The following MADD variants were observed in gnomAD, a reference collection of about 807,000 sequenced individuals.
MADD encodes the protein MAP kinase-activating death domain protein.
Under a neutral mutation model 176.7 loss-of-function variants are expected in MADD, and 109 were observed. That is an observed-to-expected ratio of 0.62 (90% CI 0.53 to 0.72). The LOEUF (loss-of-function observed/expected upper bound fraction) is 0.72. MADD is among the 30% of genes least tolerant of loss of function. The pLI is 0.00. For synonymous variants in MADD, 771 were observed against 771.3 expected (o/e 1.00, Z 0.01); for missense variants, 1,914 against 2,045.5 (o/e 0.94, Z 1.24).
rs766139888 is a variant in MADD at position 47,275,088 on chromosome 11, C to G, written c.588C>G (p.Leu196=). ...CCTTCCGAGAGTGTTTGTATACTCT[C>G]AAGCGCCTGGTGGACTGCTGTAGTG... Residue 196 remains leucine (L), a synonymous_variant, in exon 3 of 33, where the codon CTC becomes CTG. Coordinates refer to ENST00000402192, the Ensembl canonical transcript of MADD. 3 of 1,614,126 alleles carry G rather than the reference C, an allele frequency of 1.9e-6. No individual in the cohort carries two copies. In the African/African-American group the frequency reaches 4.0e-5, roughly 22 times the overall value.
chr11:47,325,017 G>GCGTT lies in MADD; in HGVS notation c.4542+441_4542+442insGTTC, dbSNP rs2095259527. ...GCAGCTTGCGTGTGCGTGCGTGCGT[G>GCGTT]CCTGCGTGCTTGTGTGTAAGTAGCT... On this transcript the variant is annotated intron_variant, in intron 30 of 32. Transcript: ENST00000402192. The surrounding 1 kb of genome is among the most constrained non-coding windows in gnomAD (Gnocchi z 4.5). The GCGTT allele has an allele frequency of 5.7e-6, 3 of 523,294 alleles. No individual in the cohort carries two copies. Among genetic ancestry groups the GCGTT allele is most frequent in the African/African-American group, 3.8e-5 (2 of 52,484 alleles). The allele number at this position is 523,294 out of a possible 1,614,324, so 32.4% of individuals were successfully genotyped here. A position where few individuals can be genotyped will look rare whatever the true frequency, so the allele number is the denominator to read the frequency against.
At position 47,296,764 on chromosome 11, in the gene MADD, G is replaced by GTTTT. The variant is rs753454831; in HGVS notation, c.3642+727_3642+730dup. Among the ~76,000 whole-genome samples the GTTTT allele has an allele frequency of 1.0e-3, 117 of 116,858 alleles. 3 individuals are homozygous for GTTTT. The highest frequency in any genetic ancestry group is 3.0e-3 in the South Asian group (11 of 3,644). The allele number at this position is 116,858 out of a possible 152,430, so 76.7% of individuals were successfully genotyped here. A position where few individuals can be genotyped will look rare whatever the true frequency, so the allele number is the denominator to read the frequency against. ...TTGCCGTAGACATCTGTTTTTTGTT[G>GTTTT]TTTTTTTTTTTTTTTTTTTTTACAC... is the stretch of plus-strand genomic sequence containing the variant. On this transcript the variant is annotated intron_variant, in intron 22 of 32. Transcript: ENST00000402192.
chr11:47,293,765 A>T (rs2067571917), intron 19 of MADD, 118 bp from the exon 22 acceptor site: 1 of 658,318 alleles, frequency 1.5e-6, no homozygotes, highest in East Asian at 2.7e-5. Flanking sequence ...TAGTCCTTGG[A>T]AAGGTGACTA....
At chr11:47,327,017 G>T in intron 31 of MADD, 1 of 1,326,470 alleles carries the variant, frequency 7.5e-7, no homozygotes, top group Non-Finnish European at 9.7e-7. Context: ...AGAGCAAATG[G>T]GGCCTCAGGT....
intron 22 of MADD, among the ~76,000 whole-genome samples, chr11:47,300,342 G>T (rs1171382633): frequency 6.6e-6 from 1 of 151,608 alleles, no homozygotes. Context: ...AAGTAGCTGG[G>T]ATTACAGGCG....
intron 25 of MADD, among the ~76,000 whole-genome samples, chr11:47,311,207 T>C (rs1187652753): frequency 6.6e-6 from 1 of 152,084 alleles, no homozygotes. Flanking sequence ...TGTGAAGGGA[T>C]CAGTTGATCA....
chr11:47,304,379 C>T (rs140364262), intron 22 of MADD, among the ~76,000 whole-genome samples: 149 of 152,012 alleles, frequency 9.8e-4, no homozygotes, highest in African/African-American at 3.2e-3. Context: ...TACAGGCATG[C>T]GCCACCACAC....
At chr11:47,329,900 C>T (rs943257161) in exon 33 of MADD, 1 of 152,664 alleles carries the variant, frequency 6.6e-6, no homozygotes, top group African/African-American at 2.4e-5. Context: ...CAGGCTGTCT[C>T]TCCAGGCACG....
chr11:47,285,652 CTA>C (rs1326347330), intron 14 of MADD, 62 bp downstream of exon 14: 7 of 1,603,416 alleles, frequency 4.4e-6, no homozygotes, highest in African/African-American at 1.3e-5. Context: ...CAGAGCCTGA[CTA>C]TGGCAAATGT....
intron 30 of MADD, 153 bp downstream of exon 33, chr11:47,324,730 G>C: frequency 2.8e-6 from 2 of 715,216 alleles, no homozygotes; most frequent in East Asian, 5.4e-5. Flanking sequence ...AGAAACCCCA[G>C]GGGAGGGCAC....
At chr11:47,296,154 G>T (rs1444779022) in intron 22 of MADD, 99 bp downstream of exon 24, 14 of 1,345,886 alleles carry the variant, frequency 1.0e-5, no homozygotes, top group Non-Finnish European at 1.2e-5. Context: ...AGAGGTAAAG[G>T]TTAAATAAGG....
chr11:47,286,599 T>C (rs968713766), intron 15 of MADD, 65 bp downstream of exon 15: 2 of 1,252,296 alleles, frequency 1.6e-6, no homozygotes, highest in African/African-American at 1.5e-5. Context: ...TGTGGGTTCA[T>C]GTCAGGAGCC....
intron 31 of MADD, chr11:47,328,234 C>T (rs966134246): frequency 1.3e-5 from 14 of 1,089,848 alleles, no homozygotes; most frequent in African/African-American, 6.5e-5. Flanking sequence ...GACGAGTTCA[C>T]GGGTGTCTCA....
rs1241529258 is a variant in MADD at position 47,316,478 on chromosome 11, T to C, written c.4197+1151T>C. ...ATCTCAGCTCACTGCAACCTCCACC[T>C]CCTGGGTTCAAGCGATTCTCCTGCC... On this transcript the variant is annotated intron_variant, in intron 27 of 32. Transcript: ENST00000402192. Among the ~76,000 whole-genome samples the C allele has an allele frequency of 2.1e-5, 3 of 140,676 alleles. No individual in the cohort carries two copies. In the Admixed American group the frequency reaches 2.3e-4, roughly 11 times the overall value. 92.3% of individuals were successfully genotyped at this position (140,676 alleles called of 152,430 possible).
At chr11:47,323,714 T>C (rs760512750) in exon 28 of MADD, 2 of 1,614,098 alleles carry the variant, frequency 1.2e-6, no homozygotes, top group Non-Finnish European at 1.7e-6. Context: ...ATCGGAACAG[T>C]GTATGAGCGC....
At chr11:47,290,763 C>A (rs375783803) in exon 19 of MADD, 5 of 1,613,858 alleles carry the variant, frequency 3.1e-6, no homozygotes, top group African/African-American at 1.3e-5. Context: ...GGAAAGGGTC[C>A]TAAGGAACTG....
chr11:47,271,436 A>G (rs1963471787), intron 1 of MADD, among the ~76,000 whole-genome samples: 1 of 152,168 alleles, frequency 6.6e-6, no homozygotes, highest in Non-Finnish European at 1.5e-5. Context: ...TAGCTAGAAT[A>G]ATAACAAGAT....
At chr11:47,286,300 TC>T (rs1280048009) in intron 14 of MADD, 132 bp from the exon 15 acceptor site, 1 of 704,150 alleles carries the variant, frequency 1.4e-6, no homozygotes, top group African/African-American at 1.8e-5. Flanking sequence ...CTAAGACAGA[TC>T]AGAGATGATC....
chr11:47,296,768 T>TG (rs2080761337), intron 22 of MADD, among the ~76,000 whole-genome samples: 1 of 148,662 alleles, frequency 6.7e-6, no homozygotes, highest in Admixed American at 6.7e-5. Flanking sequence ...TTTGTTGTTT[T>TG]TTTTTTTTTT....
Sources: allele counts gnomAD v4.1 joint callset (sites outside exome capture counted in the v4.1 genomes callset), GRCh38; gene constraint gnomAD v4.1.1; non-coding constraint Gnocchi (gnomAD v3.1); transcripts MANE v1.5; gene names NCBI Gene and HGNC (gene_info 2026-07-23, HGNC 2026-07-21).